Variants in NPHP1 observed in about 807,000 individuals in gnomAD.
NPHP1 encodes the protein nephrocystin 1.
A neutral mutation model predicts 90.4 loss-of-function variants in NPHP1; 70 were observed. The ratio of observed to expected loss-of-function variants is 0.77; its 90% CI spans 0.64 to 0.95. The LOEUF (loss-of-function observed/expected upper bound fraction) is 0.95, where lower values mean the gene tolerates loss of function less well. Among genes scored for constraint, NPHP1 ranks in the 40% least tolerant of loss-of-function variants. NPHP1 has a pLI of 0.00. For synonymous variants in NPHP1, 256 were observed against 271.7 expected, an observed-to-expected ratio of 0.94 and a Z score of 0.57; for missense variants, 764 against 795.9, an observed-to-expected ratio of 0.96 and a Z score of 0.48.
rs1435671751 is a variant in NPHP1 at position 110,204,898 on chromosome 2, AC to A, written c.69+1del. ...AGGGCCCTCTGCACAGCCTGACCAT[AC>A]CTGTTGCTTCAGCTCCTGATTGCGG... On this transcript the variant is annotated splice_donor_variant, in intron 1 of 19. Transcript: ENST00000445609. LOFTEE classifies it high-confidence loss of function. 1.9e-6 allele frequency: 3 copies of A among 1,613,610 alleles called. No individual in the cohort carries two copies. The highest frequency in any genetic ancestry group is 1.7e-4 in the Middle Eastern group (1 of 6,016).
chr2:110,129,307 G>T, intron 17 of NPHP1, 48 bp from the exon 18 acceptor site: 1 of 1,347,456 alleles, frequency 7.4e-7, no homozygotes, highest in Non-Finnish European at 1.1e-6. Context: ...TTCACTCAAT[G>T]GATTTTATTG....
Position 110,139,132 on chromosome 2 carries a change from C to T in NPHP1, c.1529+4410G>A, listed in dbSNP as rs182011916. Among the ~76,000 whole-genome samples, 27 of 149,108 alleles carry T rather than the reference C, an allele frequency of 1.8e-4. No homozygotes were observed. In the East Asian group the frequency reaches 2.0e-3, roughly 11 times the overall value. ...TTATTACCTTATTTATTTTTAGCAACGATATAATGAAAGTAAAGGAGAAAA... is the reference window on the plus strand; with the variant it reads ...TTATTACCTTATTTATTTTTAGCAATGATATAATGAAAGTAAAGGAGAAAA... On this transcript the variant is annotated intron_variant, in intron 16 of 19. Transcript: ENST00000445609.
chr2:110,196,172 A>G (rs1366012258), intron 2 of NPHP1, among the ~76,000 whole-genome samples: 1 of 152,120 alleles, frequency 6.6e-6, no homozygotes, highest in East Asian at 1.9e-4. Context: ...ATTAAACTAA[A>G]GAGCTTCTGC....
chr2:110,138,043 G>A (rs1202162738), intron 16 of NPHP1, among the ~76,000 whole-genome samples: 1 of 151,998 alleles, frequency 6.6e-6, no homozygotes, highest in Non-Finnish European at 1.5e-5. Flanking sequence ...GATGAAGCTG[G>A]AAACCATCAT....
intron 1 of NPHP1, among the ~76,000 whole-genome samples, chr2:110,202,724 A>G (rs1028082010): frequency 2.0e-5 from 3 of 152,202 alleles, no homozygotes; most frequent in Non-Finnish European, 4.4e-5. Flanking sequence ...ACAATGAGGT[A>G]CCATCTCACA....
chr2:110,161,676 T>C lies in NPHP1; in HGVS notation c.881A>G (p.Tyr294Cys), dbSNP rs1239036465. The C allele has an allele frequency of 1.9e-6, 3 of 1,612,414 alleles. No individual in the cohort carries two copies. The Admixed American group carries it at 5.0e-5, about 27-fold the overall frequency. ...LEEGNQFRAN[Y>C]FLQPELMPSQ... ...AGGCATGAGCTCTGGTTGTAAGAAG[T>C]AATTTGCTCGAAATTGATTCCCTGA... Residue 294 changes from tyrosine (Y) to cysteine (C), a missense_variant, in exon 10 of 20, where the codon TAC (tyrosine) becomes TGC (cysteine). Transcript: ENST00000445609.
rs1463721928 is a variant in NPHP1 at position 110,131,766 on chromosome 2, T to C, written c.1555A>G (p.Asn519Asp). ...ATCAACAAGTGAATAGAACACATAT[T>C]TCCAATTAATGTTTCTGGCAGTAGA... The part of the protein sequence containing the change: ...LSLLPETLIG[N>D]MCSIHLLIFY... The change falls in exon 17 of 20, where the codon AAT (asparagine) becomes GAT (aspartate). Residue 519 changes from asparagine (N) to aspartate (D), a missense_variant. Physicochemically the swap from Asn to Asp is conservative, Grantham distance 23. Transcript: ENST00000445609. 3.7e-6 allele frequency: 6 copies of C among 1,609,180 alleles called. No homozygotes were observed. Among genetic ancestry groups the C allele is most frequent in the Non-Finnish European group, 5.1e-6 (6 of 1,175,756 alleles).
At chr2:110,155,172 T>G (rs557723347) in intron 11 of NPHP1, among the ~76,000 whole-genome samples, 5 of 152,112 alleles carry the variant, frequency 3.3e-5, no homozygotes, top group African/African-American at 1.2e-4. Context: ...AAGCCCAAAC[T>G]CTTGGCAGCT....
chr2:110,139,822 G>A (rs893018463), intron 16 of NPHP1, among the ~76,000 whole-genome samples: 2 of 152,150 alleles, frequency 1.3e-5, no homozygotes, highest in African/African-American at 2.4e-5. Context: ...TGCCTTTGAA[G>A]GAGAGGAGGA....
intron 17 of NPHP1, among the ~76,000 whole-genome samples, chr2:110,131,118 T>G (rs1679744142): frequency 1.3e-5 from 2 of 152,190 alleles, no homozygotes; most frequent in African/African-American, 4.8e-5. Flanking sequence ...TGCATTTATC[T>G]TTGCAGGTTC....
chr2:110,165,837 A>C (rs1295558500), intron 6 of NPHP1, among the ~76,000 whole-genome samples: 1 of 152,136 alleles, frequency 6.6e-6, no homozygotes, highest in Non-Finnish European at 1.5e-5. Flanking sequence ...AATGATAAGC[A>C]CTCAAGGTGA....
intron 11 of NPHP1, among the ~76,000 whole-genome samples, chr2:110,153,050 C>T (rs1185659716): frequency 6.6e-6 from 1 of 151,916 alleles, no homozygotes; most frequent in African/African-American, 2.4e-5. Context: ...AACGAAAATA[C>T]CTTGAAAACA....
At chr2:110,188,545 G>A (rs144208455) in intron 2 of NPHP1, among the ~76,000 whole-genome samples, 1 of 152,262 alleles carries the variant, frequency 6.6e-6, no homozygotes, top group African/African-American at 2.4e-5. Flanking sequence ...TTCCATGCTT[G>A]TGGATAGGAA....
chr2:110,191,983 C>T (rs1684784785), intron 2 of NPHP1, among the ~76,000 whole-genome samples: 1 of 152,124 alleles, frequency 6.6e-6, no homozygotes, highest in Admixed American at 6.5e-5. Flanking sequence ...ACAGAAAGGA[C>T]ATCCACACCA....
chr2:110,144,495 C>A lies in NPHP1; in HGVS notation c.1427G>T (p.Arg476Ile). The change falls in exon 15 of 20, where the codon AGA (arginine) becomes ATA (isoleucine). Residue 476 changes from arginine (R) to isoleucine (I), a missense_variant and splice_region_variant. Arg to Ile is a moderately conservative substitution (Grantham distance 97, BLOSUM62 -3). Coordinates refer to ENST00000445609, the MANE Select transcript of NPHP1 (RefSeq NM_001128178.3). ...GIEVDPSISR[R>I]AHGSVFYQIM... ...AAGACAACACATGAGAGCCATACCT[C>A]TTCTGGATATTGAAGGGTCCACTTC... 2 of 1,593,908 alleles carry A rather than the reference C, an allele frequency of 1.3e-6. No individual in the cohort carries two copies. Among genetic ancestry groups the A allele is most frequent in the Non-Finnish European group, 1.7e-6 (2 of 1,161,744 alleles).
At chr2:110,203,643 A>G (rs1414460506) in intron 1 of NPHP1, among the ~76,000 whole-genome samples, 1 of 152,148 alleles carries the variant, frequency 6.6e-6, no homozygotes, top group Non-Finnish European at 1.5e-5. Context: ...TGAATCTCTT[A>G]CCGGCCTCAG....
At chr2:110,198,808 T>A (rs1685355854) in intron 2 of NPHP1, among the ~76,000 whole-genome samples, 1 of 151,860 alleles carries the variant, frequency 6.6e-6, no homozygotes, top group Non-Finnish European at 1.5e-5. Flanking sequence ...CCTCTCTATC[T>A]AACAGTAGAA....
At chr2:110,188,751 C>T (rs552808412) in intron 2 of NPHP1, among the ~76,000 whole-genome samples, 4 of 152,222 alleles carry the variant, frequency 2.6e-5, no homozygotes, top group African/African-American at 9.6e-5. Flanking sequence ...AACTATATTA[C>T]AAGGCTACAG....
intron 9 of NPHP1, 58 bp from the exon 10 acceptor site, chr2:110,161,755 T>G: frequency 7.8e-7 from 1 of 1,284,134 alleles, no homozygotes; most frequent in Non-Finnish European, 1.1e-6. Context: ...AAATCAAAAA[T>G]CCATAATGTT....
Sources: allele counts gnomAD v4.1 joint callset (sites outside exome capture counted in the v4.1 genomes callset), GRCh38; gene constraint gnomAD v4.1.1; transcripts MANE v1.5; gene names NCBI Gene and HGNC (gene_info 2026-07-23, HGNC 2026-07-21).